The following VWA8 variants were observed in gnomAD, a reference collection of about 807,000 sequenced individuals.
VWA8 encodes the protein von Willebrand factor A domain-containing protein 8.
Under a neutral mutation model 241.5 loss-of-function variants are expected in VWA8, and 221 were observed. The ratio of observed to expected loss-of-function variants is 0.91; its 90% CI spans 0.82 to 1.02. VWA8 has a LOEUF of 1.02. Among genes scored for constraint, VWA8 ranks in the 50% least tolerant of loss-of-function variants. The probability of loss-of-function intolerance (pLI) is 0.00; values close to 1 mark genes in which losing one functional copy is unlikely to be tolerated. For missense variants in VWA8, 2,322 were observed against 2,328.7 expected (o/e 1.00, Z 0.06); for synonymous variants, 852 against 827.1 (o/e 1.03, Z -0.52).
intron 1 of VWA8, among the ~76,000 whole-genome samples, chr13:41,950,948 T>G (rs1878107985): frequency 6.6e-6 from 1 of 151,280 alleles, no homozygotes; most frequent in African/African-American, 2.4e-5. Flanking sequence ...GGATTACAGG[T>G]GTGAGCCTCC....
intron 2 of VWA8, among the ~76,000 whole-genome samples, chr13:41,949,118 A>G (rs762990290): frequency 1.3e-5 from 2 of 151,906 alleles, no homozygotes; most frequent in Non-Finnish European, 2.9e-5. Context: ...TGGGATGATT[A>G]ATGTAATCTT....
intron 43 of VWA8, among the ~76,000 whole-genome samples, chr13:41,571,297 T>TCTCCCTCTCCCATCTCCCTCTCCCTC (rs2044300479): frequency 3.6e-5 from 5 of 140,242 alleles, no homozygotes; most frequent in South Asian, 2.3e-4. Context: ...CCCTCTCCCG[T>TCTCCCTCTCCCATCTCCCTCTCCCTC]CTCCCTCTCC....
Position 41,695,895 on chromosome 13 carries a change from T to C in VWA8, c.3565-2923A>G, listed in dbSNP as rs148372787. 8.3e-3 allele frequency among the ~76,000 whole-genome samples: 1,264 copies of C among 152,322 alleles called. 18 individuals are homozygous for C. Among genetic ancestry groups the C allele is most frequent in the African/African-American group, 0.028 (1,173 of 41,560 alleles). On this transcript the variant is annotated intron_variant, in intron 29 of 44. Transcript: ENST00000379310. ...ATTGGATCTTTTGAGGAAATAAAAC[T>C]CTTGCTGAGAACCTACAAATCTGGC...
At chr13:41,769,878 A>G (rs17637796) in intron 20 of VWA8, among the ~76,000 whole-genome samples, 23,351 of 152,280 alleles carry the variant, frequency 0.15, 1,896 homozygotes, top group East Asian at 0.19. Flanking sequence ...TTAGTTCATA[A>G]GAAACTTTTA....
Position 41,907,581 on chromosome 13 carries a change from C to G in VWA8, c.483+5G>C. 4.3e-6 allele frequency: 7 copies of G among 1,613,764 alleles called. No homozygotes were observed. Among genetic ancestry groups the G allele is most frequent in the Non-Finnish European group, 5.9e-6 (7 of 1,179,676 alleles). On this transcript the variant is annotated splice_donor_5th_base_variant and intron_variant, in intron 4 of 44. Transcript: ENST00000379310. ...AGTCATGGGCTAGAGTGTGACAGAACTTGCCTGATCAATGTAAAAGGCTGT... is the reference window on the plus strand; with the variant it reads ...AGTCATGGGCTAGAGTGTGACAGAAGTTGCCTGATCAATGTAAAAGGCTGT...
chr13:41,634,824 G>C (rs567667714), intron 37 of VWA8, among the ~76,000 whole-genome samples: 305 of 152,216 alleles, frequency 2.0e-3, no homozygotes, highest in African/African-American at 7.2e-3. Context: ...AAAATGGAAA[G>C]TTAGGTTTAA....
At chr13:41,950,291 A>G (rs527296384) in intron 1 of VWA8, among the ~76,000 whole-genome samples, 11 of 152,376 alleles carry the variant, frequency 7.2e-5, no homozygotes, top group Non-Finnish European at 1.6e-4. Flanking sequence ...CATGAATAGC[A>G]ACATTAATAT....
At chr13:41,659,886 G>A (rs990231989) in intron 37 of VWA8, among the ~76,000 whole-genome samples, 1 of 152,200 alleles carries the variant, frequency 6.6e-6, no homozygotes, top group African/African-American at 2.4e-5. Context: ...TTTTGGTTAA[G>A]CAAGCATATG....
intron 24 of VWA8, among the ~76,000 whole-genome samples, chr13:41,725,628 G>C (rs1194065161): frequency 6.6e-6 from 1 of 152,142 alleles, no homozygotes; most frequent in African/African-American, 2.4e-5. Context: ...AATAGGGGTA[G>C]ATGACAAAAC....
intron 17 of VWA8, among the ~76,000 whole-genome samples, chr13:41,795,444 G>A (rs779952725): frequency 6.6e-6 from 1 of 152,086 alleles, no homozygotes; most frequent in East Asian, 1.9e-4. Flanking sequence ...TCCCATTATT[G>A]GGTACATGCC....
At chr13:41,673,460 T>A (rs931210300) in intron 36 of VWA8, among the ~76,000 whole-genome samples, 2 of 152,140 alleles carry the variant, frequency 1.3e-5, no homozygotes, top group African/African-American at 2.4e-5. Flanking sequence ...CAGGACATAC[T>A]GACAATGAAA....
At chr13:41,617,223 A>G (rs1363499432) in intron 37 of VWA8, among the ~76,000 whole-genome samples, 1 of 152,124 alleles carries the variant, frequency 6.6e-6, no homozygotes, top group Non-Finnish European at 1.5e-5. Context: ...GGTTCAAACA[A>G]TTCTCCGGCC....
intron 12 of VWA8, among the ~76,000 whole-genome samples, chr13:41,848,414 C>A (rs1444257816): frequency 6.6e-6 from 1 of 152,314 alleles, no homozygotes; most frequent in Middle Eastern, 3.4e-3. Context: ...TGTCCCCACC[C>A]AAATCTCACC....
intron 21 of VWA8, among the ~76,000 whole-genome samples, chr13:41,739,863 T>G (rs2045555704): frequency 7.6e-5 from 10 of 131,974 alleles, no homozygotes; most frequent in Admixed American, 5.2e-4. Flanking sequence ...TTTTGTTTTT[T>G]TTTTTTTTTG....
intron 19 of VWA8, among the ~76,000 whole-genome samples, chr13:41,781,171 T>C (rs1035118204): frequency 6.6e-6 from 1 of 152,210 alleles, no homozygotes; most frequent in Non-Finnish European, 1.5e-5. Context: ...CTCATTCTTC[T>C]GAACAGAATC....
chr13:41,869,340 A>G (rs115568917), intron 9 of VWA8, among the ~76,000 whole-genome samples: 1,670 of 152,202 alleles, frequency 0.011, 33 homozygotes, highest in African/African-American at 0.039. Context: ...ACTGGATTTA[A>G]AAGGCTAGAA....
At chr13:41,930,748 G>C (rs1156523730) in intron 2 of VWA8, among the ~76,000 whole-genome samples, 7 of 152,202 alleles carry the variant, frequency 4.6e-5, no homozygotes, top group African/African-American at 1.7e-4. Context: ...TTTAGAGTTG[G>C]GTCCCATCCC....
chr13:41,708,638 C>G (rs2045297671), intron 26 of VWA8, among the ~76,000 whole-genome samples: 1 of 152,152 alleles, frequency 6.6e-6, no homozygotes, highest in Non-Finnish European at 1.5e-5. Context: ...GCTATTATGG[C>G]TTCCACTTCA....
At position 41,567,500 on chromosome 13, in the gene VWA8, C is replaced by G. The variant is rs979519892; in HGVS notation, c.*697G>C. 1.3e-5 allele frequency: 2 copies of G among 152,306 alleles called. No homozygotes were observed. The highest frequency in any genetic ancestry group is 3.9e-4 in the East Asian group (2 of 5,180). The allele number at this position is 152,306 out of a possible 1,614,324, so 9.4% of individuals were successfully genotyped here. On this transcript the variant is annotated 3_prime_UTR_variant, in exon 45 of 45. Transcript: ENST00000379310. ...AAGGCAAGACATCTTTCTCCTCCCACTCTAGCAGCAAGGAGAAGAGGACAT... is the reference window on the plus strand; with the variant it reads ...AAGGCAAGACATCTTTCTCCTCCCAGTCTAGCAGCAAGGAGAAGAGGACAT...
Sources: gnomAD v4.1 joint callset for allele counts (sites outside exome capture counted in the v4.1 genomes callset) on GRCh38, gnomAD v4.1.1 for gene constraint, MANE v1.5 for transcripts, NCBI Gene and HGNC (gene_info 2026-07-23, HGNC 2026-07-21) for gene names.